The following XKR9 variants were observed in gnomAD, a reference collection of about 807,000 sequenced individuals.
XKR9 encodes XK related 9.
Under a neutral mutation model 32.0 loss-of-function variants are expected in XKR9, and 32 were observed. The observed-to-expected ratio is 1.00, with a 90% CI of 0.76 to 1.34. XKR9 has a LOEUF of 1.34. XKR9 is among the 40% of genes most tolerant of loss of function. XKR9 has a pLI of 0.00. For synonymous variants in XKR9, 168 were observed against 143.4 expected (o/e 1.17, Z -1.22); for missense variants, 546 against 429.7 (o/e 1.27, Z -2.39).
At chr8:70,675,860 T>C (rs1233380974) in intron 2 of XKR9, among the ~76,000 whole-genome samples, 2 of 152,208 alleles carry the variant, frequency 1.3e-5, no homozygotes, top group African/African-American at 4.8e-5. Context: ...CATCTTCCCT[T>C]CTTCTCTGAG....
rs934661956 is a variant in XKR9 at position 70,773,831 on chromosome 8, ATTTC to A, written n.353-15504_353-15501del. On this transcript the variant is annotated intron_variant and non_coding_transcript_variant, in intron 2 of 3. Transcript: ENST00000520273. ...GCCAGTTGGTTGGAATGGACTCTTCATTTCTTTGTAATCTTTGTTAGGTTTAGTA... is the reference window on the plus strand; with the variant it reads ...GCCAGTTGGTTGGAATGGACTCTTCATTTGTAATCTTTGTTAGGTTTAGTA... 2.6e-4 allele frequency among the ~76,000 whole-genome samples: 39 copies of A among 152,238 alleles called. 1 individual carries two copies. The highest frequency in any genetic ancestry group is 9.1e-4 in the African/African-American group (38 of 41,548).
chr8:71,012,328 C>T, the XKR9 span, among the ~76,000 whole-genome samples: 1 of 152,126 alleles, frequency 6.6e-6, no homozygotes, highest in Non-Finnish European at 1.5e-5. Flanking sequence ...CAGTCAGAAT[C>T]CTCTAATCTT....
At chr8:70,683,402 CT>C in intron 3 of XKR9, 1 of 345,280 alleles carries the variant, frequency 2.9e-6, no homozygotes, top group Non-Finnish European at 5.7e-6. Flanking sequence ...TTAAATTCTA[CT>C]GAATTTTGTT....
the XKR9 span, among the ~76,000 whole-genome samples, chr8:71,038,898 G>A: frequency 1.6e-4 from 23 of 148,024 alleles, no homozygotes; most frequent in Admixed American, 2.7e-4. Context: ...TCCACCTCCC[G>A]GGTTCAAGAG....
the XKR9 span, among the ~76,000 whole-genome samples, chr8:70,866,067 C>A: frequency 1.3e-5 from 2 of 152,144 alleles, no homozygotes; most frequent in Admixed American, 1.3e-4. Flanking sequence ...ATGACTGAAG[C>A]CCCCTTCATA....
At chr8:70,912,793 A>G in the XKR9 span, among the ~76,000 whole-genome samples, 1 of 152,102 alleles carries the variant, frequency 6.6e-6, no homozygotes, top group African/African-American at 2.4e-5. Flanking sequence ...AGAAACCAAG[A>G]AGAAGAGGTA....
the XKR9 span, among the ~76,000 whole-genome samples, chr8:70,831,802 A>G: frequency 1.3e-5 from 2 of 152,170 alleles, no homozygotes; most frequent in African/African-American, 4.8e-5. Flanking sequence ...GTAATGAACA[A>G]ACTCAGGTTA....
chr8:70,679,698 A>T (rs1819009282), intron 2 of XKR9, among the ~76,000 whole-genome samples: 1 of 152,224 alleles, frequency 6.6e-6, no homozygotes, highest in African/African-American at 2.4e-5. Flanking sequence ...ATTAATTAGG[A>T]AAACAAACCA....
chr8:70,891,658 A>G, the XKR9 span, among the ~76,000 whole-genome samples: 4 of 151,758 alleles, frequency 2.6e-5, no homozygotes, highest in Non-Finnish European at 5.9e-5. Context: ...AATATTTGAG[A>G]CTCGTTTTGT....
the XKR9 span, among the ~76,000 whole-genome samples, chr8:71,023,292 G>A: frequency 6.6e-6 from 1 of 152,158 alleles, no homozygotes; most frequent in Non-Finnish European, 1.5e-5. Flanking sequence ...TGTGTCTGTG[G>A]TGTTGGCTGG....
the XKR9 span, among the ~76,000 whole-genome samples, chr8:70,835,918 C>G: frequency 6.6e-6 from 1 of 151,954 alleles, no homozygotes; most frequent in Non-Finnish European, 1.5e-5. Flanking sequence ...TCATTATTTA[C>G]TTCTATTCAT....
chr8:70,735,532 A>G lies in XKR9; in HGVS notation c.*1108A>G, dbSNP rs1806837232. The G allele has an allele frequency of 6.6e-6, 1 of 151,518 alleles. No homozygotes were observed. The highest frequency in any genetic ancestry group is 2.4e-5 in the African/African-American group (1 of 41,226). The allele number at this position is 151,518 out of a possible 1,614,324, so 9.4% of individuals were successfully genotyped here. On this transcript the variant is annotated 3_prime_UTR_variant, in exon 5 of 5. Transcript: ENST00000408926. ...CAATGTGCAGGTTAGTTACATATGT[A>G]TACATGTGCCATGCTGGTGTGCTGC...
At chr8:70,703,452 G>T (rs1805608239) in intron 3 of XKR9, among the ~76,000 whole-genome samples, 1 of 152,082 alleles carries the variant, frequency 6.6e-6, no homozygotes, top group Non-Finnish European at 1.5e-5. Flanking sequence ...TGTCATAGAT[G>T]GTGCCTTCTT....
At chr8:70,709,800 G>A (rs1300615925) in intron 4 of XKR9, among the ~76,000 whole-genome samples, 1 of 152,140 alleles carries the variant, frequency 6.6e-6, no homozygotes, top group Non-Finnish European at 1.5e-5. Context: ...GAAATCGGTG[G>A]TGACACAAAC....
chr8:70,883,808 A>G, the XKR9 span, among the ~76,000 whole-genome samples: 1 of 152,110 alleles, frequency 6.6e-6, no homozygotes, highest in Non-Finnish European at 1.5e-5. Context: ...AGTTAGTTCC[A>G]AGTTTTGACA....
chr8:71,010,923 T>G, the XKR9 span, among the ~76,000 whole-genome samples: 1 of 152,212 alleles, frequency 6.6e-6, no homozygotes, highest in Non-Finnish European at 1.5e-5. Context: ...TCCAGGGGAC[T>G]GCTGAAAAAA....
chr8:70,759,103 G>C (rs1211849614), intron 2 of XKR9, among the ~76,000 whole-genome samples: 3 of 152,088 alleles, frequency 2.0e-5, no homozygotes, highest in Non-Finnish European at 4.4e-5. Flanking sequence ...GACTATACAG[G>C]GACTTTCAAA....
chr8:70,993,146 C>T, the XKR9 span, among the ~76,000 whole-genome samples: 1 of 151,528 alleles, frequency 6.6e-6, no homozygotes, highest in South Asian at 2.1e-4. Context: ...GAGAGTAAAT[C>T]CTGGTGTCTG....
intron 2 of XKR9, among the ~76,000 whole-genome samples, chr8:70,757,350 A>G (rs1469341083): frequency 6.6e-6 from 1 of 151,578 alleles, no homozygotes; most frequent in African/African-American, 2.4e-5. Context: ...ATCTCTGTCA[A>G]TTTATCTTCC....
Sources: allele counts gnomAD v4.1 joint callset (sites outside exome capture counted in the v4.1 genomes callset), GRCh38; gene constraint gnomAD v4.1.1; transcripts MANE v1.5; gene names NCBI Gene and HGNC (gene_info 2026-07-23, HGNC 2026-07-21).